RAG1: variants seen among roughly 807,000 people sequenced by gnomAD.
RAG1 encodes the protein V(D)J recombination-activating protein 1.
Under a neutral mutation model 62.7 loss-of-function variants are expected in RAG1, and 35 were observed. That is an observed-to-expected ratio of 0.56 (90% CI 0.43 to 0.74). The LOEUF is 0.74. Ranked by LOEUF, RAG1 falls within the 30% of genes least tolerant of loss-of-function variation. The probability of loss-of-function intolerance (pLI) is 0.00; values close to 1 mark genes in which losing one functional copy is unlikely to be tolerated. For missense variants in RAG1, 1,169 were observed against 1,278.6 expected (o/e 0.91, Z 1.31); for synonymous variants, 461 against 470.3 (o/e 0.98, Z 0.26).
At chr11:36,519,663 A>G (rs769247473) in intron 1 of RAG1, among the ~76,000 whole-genome samples, 2 of 152,180 alleles carry the variant, frequency 1.3e-5, no homozygotes, top group Non-Finnish European at 2.9e-5. Flanking sequence ...AAAGGCTGTG[A>G]ATATTTATGA....
In RAG1 at chr11:36,577,017, A is replaced by C. The variant is rs2133299507; in HGVS notation, c.*581A>C. 5.9e-6 allele frequency: 1 copy of C among 169,096 alleles called. No individual in the cohort carries two copies. The highest frequency in any genetic ancestry group is 1.9e-4 in the East Asian group (1 of 5,216). 10.5% of individuals were successfully genotyped at this position (169,096 alleles called of 1,614,324 possible). A position where few individuals can be genotyped will look rare whatever the true frequency, so the allele number is the denominator to read the frequency against. ...TTTACAAAGTGCTCTCAATGCATTT[A>C]CCCATTCGTTATATAAATATGTTAC... On this transcript the variant is annotated 3_prime_UTR_variant, in exon 2 of 2. Transcript: ENST00000299440.
intron 3 of RAG1, among the ~76,000 whole-genome samples, chr11:36,550,182 C>A (rs1216622003): frequency 3.3e-5 from 5 of 151,964 alleles, no homozygotes; most frequent in African/African-American, 1.2e-4. Flanking sequence ...TTGATGGGTG[C>A]AGCAAACCAC....
At chr11:36,565,938 A>C (rs952168872), upstream of RAG1, 1 of 152,268 alleles carries the variant, frequency 6.6e-6, no homozygotes, top group Admixed American at 6.5e-5. Context: ...CTGTATCTTC[A>C]TAGGCACCCA....
In RAG1 at chr11:36,573,291, G is replaced by A. The variant is rs1456636731; in HGVS notation, c.-14G>A. The A allele has an allele frequency of 1.1e-5, 17 of 1,613,884 alleles. No homozygotes were observed. Among genetic ancestry groups the A allele is most frequent in the African/African-American group, 1.3e-5 (1 of 74,876 alleles). On this transcript the variant is annotated splice_region_variant and 5_prime_UTR_variant, in exon 2 of 2. Transcript: ENST00000299440. ...TATGACTTGTTTTCATTGTTCTCAG[G>A]TACCTCAGCCAGCATGGCAGCCTCT... is the stretch of plus-strand genomic sequence containing the variant.
intron 1 of RAG1, among the ~76,000 whole-genome samples, chr11:36,572,064 GT>G (rs1462759790): frequency 7.2e-5 from 11 of 152,258 alleles, no homozygotes; most frequent in African/African-American, 2.6e-4. Context: ...CTCAAAGTAT[GT>G]TCATCTGAGA....
At chr11:36,515,349 G>A (rs1179488570) in intron 1 of RAG1, 1 of 151,998 alleles carries the variant, frequency 6.6e-6, no homozygotes, top group African/African-American at 2.4e-5. Flanking sequence ...GTTTGGAGGA[G>A]GAGGTGCCTT....
chr11:36,539,749 G>T (rs1860387079), downstream of RAG1, among the ~76,000 whole-genome samples: 1 of 152,070 alleles, frequency 6.6e-6, no homozygotes, highest in South Asian at 2.1e-4. Flanking sequence ...AAATATTGAG[G>T]TTACAGGAAT....
At chr11:36,511,337 T>G (rs1373187992) in intron 1 of RAG1, among the ~76,000 whole-genome samples, 4 of 152,132 alleles carry the variant, frequency 2.6e-5, no homozygotes, top group Non-Finnish European at 5.9e-5. Flanking sequence ...ATCTGTAGTC[T>G]CGGCTACTCT....
chr11:36,533,374 C>A (rs780058990), intron 2 of RAG1, among the ~76,000 whole-genome samples: 17 of 152,164 alleles, frequency 1.1e-4, no homozygotes, highest in Admixed American at 5.9e-4. Flanking sequence ...AAGTAATAAA[C>A]CCAATTCATG....
intron 3 of RAG1, among the ~76,000 whole-genome samples, chr11:36,550,924 G>C (rs1239612099): frequency 6.6e-6 from 1 of 152,086 alleles, no homozygotes; most frequent in East Asian, 1.9e-4. Flanking sequence ...CTAAGGAATT[G>C]GGAACTTTTG....
Position 36,576,833 on chromosome 11 carries a change from T to G in RAG1, c.*397T>G. The G allele has an allele frequency of 4.5e-6, 1 of 223,654 alleles. No individual in the cohort carries two copies. Among genetic ancestry groups the G allele is most frequent in the Non-Finnish European group, 9.8e-6 (1 of 102,476 alleles). The allele number at this position is 223,654 out of a possible 1,614,324, so 13.9% of individuals were successfully genotyped here. On this transcript the variant is annotated 3_prime_UTR_variant, in exon 2 of 2. Coordinates refer to ENST00000299440, the MANE Select transcript of RAG1 (RefSeq NM_000448.3). ...GGTTTTCATTTTTTTCCCCCTTGAT[T>G]GATTATATTTTGTATTGAGATATGA...
At chr11:36,539,521 G>C (rs1382869572), downstream of RAG1, among the ~76,000 whole-genome samples, 1 of 152,108 alleles carries the variant, frequency 6.6e-6, no homozygotes, top group Non-Finnish European at 1.5e-5. Context: ...GTCTTGCTCT[G>C]TTGCCCAGGC....
At chr11:36,512,733 G>C (rs2133687923) in intron 1 of RAG1, among the ~76,000 whole-genome samples, 1 of 152,280 alleles carries the variant, frequency 6.6e-6, no homozygotes, top group Admixed American at 6.5e-5. Context: ...ACAATGATCA[G>C]GTTTCCTGAA....
rs757133059 is a variant in RAG1, at chr11:36,575,810, C to T, written c.2506C>T (p.Leu836=). The part of the protein sequence containing the change: ...KEERKRWQAT[L]DKHLRKKMNL... ...GGAAAGGAAAAGGTGGCAGGCCACA[C>T]TGGACAAGCATCTCCGGAAGAAGAT... Residue 836 remains leucine, a synonymous_variant, in exon 2 of 2, where the codon CTG becomes TTG. Coordinates refer to ENST00000299440, the MANE Select transcript of RAG1 (RefSeq NM_000448.3). The surrounding 1 kb of genome is among the most constrained non-coding windows in gnomAD (Gnocchi z 4.1). 2 of 1,614,234 alleles carry T rather than the reference C, an allele frequency of 1.2e-6. No homozygotes were observed. Among genetic ancestry groups the T allele is most frequent in the Non-Finnish European group, 1.7e-6 (2 of 1,180,048 alleles).
At chr11:36,569,641 T>G (rs1175953884) in intron 1 of RAG1, among the ~76,000 whole-genome samples, 1 of 152,204 alleles carries the variant, frequency 6.6e-6, no homozygotes, top group African/African-American at 2.4e-5. Flanking sequence ...CAGCTAGTCT[T>G]TAAAACAGTT....
At position 36,576,136 on chromosome 11, in the gene RAG1, C is replaced by A. The variant is rs756495943; in HGVS notation, c.2832C>A (p.Ala944=). 13 of 1,614,010 alleles carry A rather than the reference C, an allele frequency of 8.1e-6. No individual in the cohort carries two copies. The highest frequency in any genetic ancestry group is 1.1e-5 in the South Asian group (1 of 91,076). Residue 944 remains alanine (A), a synonymous_variant, in exon 2 of 2, where the codon GCC becomes GCA. Transcript: ENST00000299440. ...KITNYFHKTL[A]HVPEIIERDG... is the part of the protein sequence containing the mutation. ...CCAATTATTTTCACAAAACCCTGGC[C>A]CATGTTCCTGAAATTATTGAGAGGG...
chr11:36,517,871 G>T (rs1014486021), intron 1 of RAG1, among the ~76,000 whole-genome samples: 1 of 151,812 alleles, frequency 6.6e-6, no homozygotes, highest in Non-Finnish European at 1.5e-5. Context: ...AAGTTTTAGG[G>T]TACATGTGCA....
At chr11:36,548,383 A>C (rs954133067) in intron 3 of RAG1, among the ~76,000 whole-genome samples, 2 of 151,868 alleles carry the variant, frequency 1.3e-5, no homozygotes, top group African/African-American at 4.8e-5. Flanking sequence ...ACTCCGTCTC[A>C]GCCCAAATCT....
At chr11:36,561,553 T>C (rs1427825212) in intron 3 of RAG1, among the ~76,000 whole-genome samples, 1 of 152,204 alleles carries the variant, frequency 6.6e-6, no homozygotes, top group Non-Finnish European at 1.5e-5. Context: ...TGAATGATAT[T>C]AACATTTAAA....
Sources: allele counts gnomAD v4.1 joint callset (sites outside exome capture counted in the v4.1 genomes callset), GRCh38; gene constraint gnomAD v4.1.1; non-coding constraint Gnocchi (gnomAD v3.1); transcripts MANE v1.5; gene names NCBI Gene and HGNC (gene_info 2026-07-23, HGNC 2026-07-21).